The following KLHL1 variants were observed in gnomAD, a reference collection of about 807,000 sequenced individuals.
KLHL1 encodes the protein kelch like family member 1.
In KLHL1, 47 loss-of-function variants were observed where a neutral mutation model predicts 77.7. That is an observed-to-expected ratio of 0.60 (90% CI 0.48 to 0.77). KLHL1 has a LOEUF of 0.77. KLHL1 is among the 30% of genes least tolerant of loss of function. KLHL1 has a pLI of 0.00. For missense variants in KLHL1, 925 were observed against 910.8 expected (o/e 1.02, Z -0.20); for synonymous variants, 360 against 325.2 (o/e 1.11, Z -1.15).
chr13:69,828,124 T>G (rs1406618156), intron 6 of KLHL1, among the ~76,000 whole-genome samples: 1 of 150,166 alleles, frequency 6.7e-6, no homozygotes, highest in Non-Finnish European at 1.5e-5. Flanking sequence ...TGCAGGAACA[T>G]AGCAGGAAAA....
At chr13:69,815,111 C>T (rs1331318083) in intron 6 of KLHL1, among the ~76,000 whole-genome samples, 4 of 152,114 alleles carry the variant, frequency 2.6e-5, no homozygotes, top group African/African-American at 4.8e-5. Flanking sequence ...GGAGGGAATG[C>T]AAATAACTTT....
chr13:69,754,477 T>C (rs1477715415), intron 7 of KLHL1, among the ~76,000 whole-genome samples: 1 of 152,148 alleles, frequency 6.6e-6, no homozygotes, highest in Non-Finnish European at 1.5e-5. Flanking sequence ...GGCAAATAAA[T>C]GCACAAAGTT....
At position 69,929,314 on chromosome 13, in the gene KLHL1, A is replaced by T. The variant is rs541912855; in HGVS notation, c.1014+10726T>A. Among the ~76,000 whole-genome samples the T allele has an allele frequency of 5.3e-5, 8 of 152,152 alleles. 1 individual carries two copies. In the South Asian group the frequency reaches 1.7e-3, roughly 31 times the overall value. On this transcript the variant is annotated intron_variant, in intron 4 of 10. Transcript: ENST00000377844. Reference sequence around the variant, plus strand: ...TATTCTGTGTTTTATCTCATTTTATATTCAAAGTAGGTATTGAAATCTCAA... The same window carrying T: ...TATTCTGTGTTTTATCTCATTTTATTTTCAAAGTAGGTATTGAAATCTCAA...
intron 3 of KLHL1, among the ~76,000 whole-genome samples, chr13:69,953,441 G>T (rs375834887): frequency 6.6e-6 from 1 of 151,038 alleles, no homozygotes; most frequent in African/African-American, 2.4e-5. Flanking sequence ...AATAACTCTA[G>T]ATCTAGTAGA....
chr13:69,829,572 T>C (rs1384365287), intron 6 of KLHL1, among the ~76,000 whole-genome samples: 2 of 149,604 alleles, frequency 1.3e-5, no homozygotes, highest in Non-Finnish European at 1.5e-5. Context: ...TCACCAACAA[T>C]GGATCCAAAC....
rs570447828 is a variant in KLHL1 at position 69,717,178 on chromosome 13, T to C, written c.2015+2191A>G. ...TCTATAGGAAATCCTTGTGATATAA[T>C]AAAATGTGATCTATCCATCTCTCTA... On this transcript the variant is annotated intron_variant, in intron 9 of 10. Transcript: ENST00000377844. Among the ~76,000 whole-genome samples the C allele has an allele frequency of 3.9e-5, 6 of 152,258 alleles. No homozygotes were observed. In the South Asian group the frequency reaches 1.2e-3, roughly 32 times the overall value.
intron 1 of KLHL1, among the ~76,000 whole-genome samples, chr13:70,081,826 T>C (rs912513913): frequency 6.6e-6 from 1 of 152,168 alleles, no homozygotes; most frequent in African/African-American, 2.4e-5. Context: ...AAAATGTGTG[T>C]TGTTTTGAAC....
At chr13:69,712,146 C>T (rs1374893572) in intron 9 of KLHL1, among the ~76,000 whole-genome samples, 2 of 151,982 alleles carry the variant, frequency 1.3e-5, no homozygotes, top group African/African-American at 4.8e-5. Context: ...ATAGTTTCCC[C>T]ACTCTCCAAC....
chr13:69,802,593 A>G (rs1031112057), intron 6 of KLHL1, among the ~76,000 whole-genome samples: 1 of 152,156 alleles, frequency 6.6e-6, no homozygotes, highest in Non-Finnish European at 1.5e-5. Context: ...TATGTTATCT[A>G]TAGAATACAG....
intron 1 of KLHL1, among the ~76,000 whole-genome samples, chr13:70,068,339 T>TCAAAAA (rs72187113): frequency 7.0e-4 from 104 of 148,902 alleles, no homozygotes; most frequent in African/African-American, 2.0e-3. Context: ...AGACTCCGTC[T>TCAAAAA]CAAAAACAAA....
At chr13:69,706,191 G>T (rs1875617644) in intron 10 of KLHL1, among the ~76,000 whole-genome samples, 1 of 151,552 alleles carries the variant, frequency 6.6e-6, no homozygotes. Flanking sequence ...AATAAGAAAT[G>T]CTTCTTCTCT....
chr13:69,760,182 G>T (rs965304482), intron 7 of KLHL1, among the ~76,000 whole-genome samples: 1 of 152,056 alleles, frequency 6.6e-6, no homozygotes, highest in African/African-American at 2.4e-5. Context: ...CTATTAAGGA[G>T]TAAGACAAAG....
At chr13:69,799,527 T>C (rs1344195345) in intron 6 of KLHL1, among the ~76,000 whole-genome samples, 1 of 152,240 alleles carries the variant, frequency 6.6e-6, no homozygotes, top group African/African-American at 2.4e-5. Context: ...TCACTTATCC[T>C]AGTAGCTACA....
At chr13:69,703,228 C>T (rs1875478489) in intron 10 of KLHL1, among the ~76,000 whole-genome samples, 1 of 151,452 alleles carries the variant, frequency 6.6e-6, no homozygotes, top group Non-Finnish European at 1.5e-5. Flanking sequence ...CTGGTAATGT[C>T]ATAGCCCTCT....
intron 6 of KLHL1, among the ~76,000 whole-genome samples, chr13:69,816,018 AT>A (rs1256673230): frequency 2.0e-5 from 3 of 151,988 alleles, no homozygotes; most frequent in African/African-American, 7.2e-5. Flanking sequence ...AAACCTCAAA[AT>A]AAAAAAAATG....
intron 7 of KLHL1, among the ~76,000 whole-genome samples, chr13:69,774,445 A>G (rs1422819108): frequency 6.6e-6 from 1 of 151,998 alleles, no homozygotes; most frequent in Non-Finnish European, 1.5e-5. Flanking sequence ...AATCTTTAGT[A>G]CAATTTGGCA....
intron 7 of KLHL1, among the ~76,000 whole-genome samples, chr13:69,764,928 G>GTTTTTT (rs1566226655): frequency 2.7e-5 from 1 of 36,804 alleles, no homozygotes; most frequent in Non-Finnish European, 5.6e-5. Flanking sequence ...GTATATCTTT[G>GTTTTTT]CTTTTTTTTT....
chr13:69,786,464 T>G (rs1442172651), intron 7 of KLHL1, among the ~76,000 whole-genome samples: 3 of 152,162 alleles, frequency 2.0e-5, no homozygotes, highest in African/African-American at 7.2e-5. Flanking sequence ...CAACCCTTCA[T>G]GCTAAAAACT....
intron 6 of KLHL1, among the ~76,000 whole-genome samples, chr13:69,824,071 T>C (rs1878450212): frequency 6.6e-6 from 1 of 152,038 alleles, no homozygotes; most frequent in Non-Finnish European, 1.5e-5. Context: ...GTGCTGCATG[T>C]TCATAGAAGC....
Sources: allele counts gnomAD v4.1 joint callset (sites outside exome capture counted in the v4.1 genomes callset), GRCh38; gene constraint gnomAD v4.1.1; transcripts MANE v1.5; gene names NCBI Gene and HGNC (gene_info 2026-07-23, HGNC 2026-07-21).